Variants in NTNG1 observed in about 807,000 individuals in gnomAD.
The protein encoded by NTNG1 is netrin G1.
In NTNG1, 16 loss-of-function variants were observed where a neutral mutation model predicts 54.0. The observed-to-expected ratio is 0.30, with a 90% CI of 0.20 to 0.45. The LOEUF is 0.45. Among genes scored for constraint, NTNG1 ranks in the 20% least tolerant of loss-of-function variants. The pLI is 1.00. For missense variants in NTNG1, 530 were observed against 678.7 expected (o/e 0.78, Z 2.43); for synonymous variants, 255 against 263.1 (o/e 0.97, Z 0.30).
intron 3 of NTNG1, among the ~76,000 whole-genome samples, chr1:107,368,845 A>G (rs1400893756): frequency 6.6e-6 from 1 of 152,212 alleles, no homozygotes; most frequent in Non-Finnish European, 1.5e-5. Context: ...TGTAATTGAC[A>G]TACAATAAAC....
chr1:107,324,215 C>T lies in NTNG1; in HGVS notation c.247-67C>T, dbSNP rs903614157. 5.5e-6 allele frequency: 8 copies of T among 1,459,220 alleles called. No individual in the cohort carries two copies. The East Asian group carries it at 6.9e-5, about 13-fold the overall frequency. 90.4% of individuals were successfully genotyped at this position (1,459,220 alleles called of 1,614,324 possible). A position where few individuals can be genotyped will look rare whatever the true frequency, so the allele number is the denominator to read the frequency against. On this transcript the variant is annotated intron_variant, in intron 2 of 7. Transcript: ENST00000370068. ...CCTTTTCTAGCCTCTTACTGAGCAA[C>T]AGCAATATGGCAAGACTTGTGGCAA...
chr1:107,320,864 G>A (rs1467577371), intron 2 of NTNG1, among the ~76,000 whole-genome samples: 2 of 151,842 alleles, frequency 1.3e-5, no homozygotes, highest in African/African-American at 2.4e-5. Flanking sequence ...CCCCTCTTTG[G>A]TATCTACAGT....
chr1:107,324,623 A>G lies in NTNG1; in HGVS notation c.588A>G (p.Leu196=), dbSNP rs1667841005. The change falls in exon 3 of 8, where the codon TTA becomes TTG. Residue 196 remains leucine, a synonymous_variant. Coordinates refer to ENST00000370068, the MANE Select transcript of NTNG1 (RefSeq NM_001113226.3). ...FHMDPKSVKD[L]SQHTVLEIIC... ...TGGATCCTAAATCCGTGAAGGATTTATCACAGCATACGGTCTTAGAAATCA... is the reference window on the plus strand; with the variant it reads ...TGGATCCTAAATCCGTGAAGGATTTGTCACAGCATACGGTCTTAGAAATCA... The G allele has an allele frequency of 7.4e-6, 12 of 1,613,778 alleles. No homozygotes were observed. The highest frequency in any genetic ancestry group is 3.4e-6 in the Non-Finnish European group (4 of 1,179,862).
intron 2 of NTNG1, among the ~76,000 whole-genome samples, chr1:107,193,320 G>A (rs77545659): frequency 0.033 from 5,005 of 151,822 alleles, 122 homozygotes; most frequent in Non-Finnish European, 0.045. Flanking sequence ...CTCCAACTTC[G>A]GTCATTTTGT....
rs141176444 is a variant in NTNG1 at position 107,146,734 on chromosome 1, A to T, written c.-525-1335A>T. ...ATTTTATGAATTGAATATAATGAAA[A>T]TTGCACTTGCATCCATAAAGCAATT... On this transcript the variant is annotated intron_variant, in intron 1 of 7. Transcript: ENST00000370068. Among the ~76,000 whole-genome samples, 474 of 152,170 alleles carry T rather than the reference A, an allele frequency of 3.1e-3. 6 individuals are homozygous for T. The East Asian group carries it at 0.044, about 14-fold the overall frequency.
At chr1:107,140,712 C>T (rs1443148336), upstream of NTNG1, 4 of 149,144 alleles carry the variant, frequency 2.7e-5, no homozygotes, top group African/African-American at 1.0e-4. Context: ...ACCGCCTGGC[C>T]GCTGGTTCTG....
rs114180287 is a variant in NTNG1, at chr1:107,355,842, C to T, written c.887+30920C>T. 4.4e-3 allele frequency among the ~76,000 whole-genome samples: 674 copies of T among 152,260 alleles called. 5 individuals are homozygous for T. The highest frequency in any genetic ancestry group is 0.014 in the African/African-American group (580 of 41,548). On this transcript the variant is annotated intron_variant, in intron 3 of 7. Transcript: ENST00000370068. ...CCTCAAACTCTAGGCCACAGAGATT[C>T]GGTAATCCATGGCTTCAGTAATGCT...
intron 2 of NTNG1, among the ~76,000 whole-genome samples, chr1:107,278,311 C>T (rs1664610623): frequency 6.6e-6 from 1 of 152,126 alleles, no homozygotes; most frequent in South Asian, 2.1e-4. Flanking sequence ...CCTTTAGCAC[C>T]TATATAAGTA....
In NTNG1 at chr1:107,395,246, G is replaced by C. The variant is rs1324261463; in HGVS notation, c.980G>C (p.Gly327Ala). 8.7e-6 allele frequency: 14 copies of C among 1,613,640 alleles called. No homozygotes were observed. The highest frequency in any genetic ancestry group is 1.2e-5 in the Non-Finnish European group (14 of 1,179,662). ...CACAACACTACAGGTCCAGACTGTGGGAAATGCAAGAAGAATTATCAGGGC... is the reference window on the plus strand; with the variant it reads ...CACAACACTACAGGTCCAGACTGTGCGAAATGCAAGAAGAATTATCAGGGC... ...CEHNTTGPDC[G>A]KCKKNYQGRP... Residue 327 changes from glycine to alanine, a missense_variant, in exon 4 of 8, where the codon GGG (glycine) becomes GCG (alanine). Coordinates refer to ENST00000370068, the MANE Select transcript of NTNG1 (RefSeq NM_001113226.3).
At chr1:107,321,780 C>T (rs1477927805) in intron 2 of NTNG1, among the ~76,000 whole-genome samples, 1 of 152,116 alleles carries the variant, frequency 6.6e-6, no homozygotes, top group East Asian at 1.9e-4. Flanking sequence ...TGGTCTTAGA[C>T]ATTTCCTCTC....
intron 5 of NTNG1, chr1:107,409,647 A>G (rs1006558215): frequency 3.3e-5 from 5 of 152,106 alleles, no homozygotes; most frequent in Non-Finnish European, 5.9e-5. Flanking sequence ...TACTCCTAAT[A>G]AAAACCCTCT....
At chr1:107,436,501 C>T (rs143938087) in intron 6 of NTNG1, among the ~76,000 whole-genome samples, 164 bp from the exon 7 acceptor site, 9 of 152,190 alleles carry the variant, frequency 5.9e-5, no homozygotes, top group East Asian at 3.9e-4. Context: ...GAAGGCTAAG[C>T]GAATAAATAA....
intron 2 of NTNG1, among the ~76,000 whole-genome samples, chr1:107,311,520 T>TG (rs1324807462): frequency 6.6e-6 from 1 of 152,178 alleles, no homozygotes; most frequent in Non-Finnish European, 1.5e-5. Flanking sequence ...TACTTGGAGT[T>TG]GGACTTTTTT....
intron 2 of NTNG1, among the ~76,000 whole-genome samples, chr1:107,316,734 T>C (rs1252925401): frequency 6.6e-6 from 1 of 152,212 alleles, no homozygotes; most frequent in Non-Finnish European, 1.5e-5. Flanking sequence ...TTTAGGCGCA[T>C]GAGCAACCCA....
chr1:107,295,458 T>C (rs920348546), intron 2 of NTNG1, among the ~76,000 whole-genome samples: 1 of 152,180 alleles, frequency 6.6e-6, no homozygotes, highest in South Asian at 2.1e-4. Context: ...CTGCATTTCA[T>C]GGCTTATGCA....
chr1:107,422,473 T>A (rs568582834), intron 5 of NTNG1, among the ~76,000 whole-genome samples: 1 of 152,120 alleles, frequency 6.6e-6, no homozygotes, highest in African/African-American at 2.4e-5. Flanking sequence ...ACAGCACCAA[T>A]GAGGTCCAGA....
chr1:107,368,302 TACC>T (rs1473730114), intron 3 of NTNG1, among the ~76,000 whole-genome samples: 1 of 151,896 alleles, frequency 6.6e-6, no homozygotes, highest in Non-Finnish European at 1.5e-5. Context: ...TGTGCAAAAA[TACC>T]ACATTTGTTT....
chr1:107,184,017 C>T (rs1657258928), intron 2 of NTNG1, among the ~76,000 whole-genome samples: 1 of 152,062 alleles, frequency 6.6e-6, no homozygotes, highest in South Asian at 2.1e-4. Flanking sequence ...CTGTAGTAGC[C>T]ATCTTCAGTC....
intron 2 of NTNG1, among the ~76,000 whole-genome samples, chr1:107,301,066 AGTT>A (rs1666283075): frequency 1.3e-5 from 2 of 152,066 alleles, no homozygotes; most frequent in African/African-American, 4.8e-5. Context: ...GACCCTAAGT[AGTT>A]ATCAATATTA....
Sources: allele counts gnomAD v4.1 joint callset (sites outside exome capture counted in the v4.1 genomes callset), GRCh38; gene constraint gnomAD v4.1.1; transcripts MANE v1.5; gene names NCBI Gene and HGNC (gene_info 2026-07-23, HGNC 2026-07-21).